The following CACNA1D variants were observed in gnomAD, a reference collection of about 807,000 sequenced individuals.
CACNA1D encodes the protein voltage-dependent L-type calcium channel subunit alpha-1D.
In CACNA1D, 55 loss-of-function variants were observed where a neutral mutation model predicts 257.1. That is an observed-to-expected ratio of 0.21 (90% CI 0.17 to 0.27). The LOEUF (loss-of-function observed/expected upper bound fraction) is 0.27. Among genes scored for constraint, CACNA1D ranks in the 10% least tolerant of loss-of-function variants. The pLI, the probability that CACNA1D is intolerant of heterozygous loss-of-function variation, is 1.00. For synonymous variants in CACNA1D, 980 were observed against 1,014.9 expected (o/e 0.97, Z 0.65); for missense variants, 1,876 against 2,784.0 (o/e 0.67, Z 7.34).
At chr3:53,684,475 T>C (rs1403360445) in intron 8 of CACNA1D, among the ~76,000 whole-genome samples, 3 of 152,016 alleles carry the variant, frequency 2.0e-5, no homozygotes, top group South Asian at 2.1e-4. Flanking sequence ...TACAAAAAAT[T>C]AGCTGAGAGT....
chr3:53,691,729 AATAT>A (rs573051088), intron 8 of CACNA1D, among the ~76,000 whole-genome samples: 1 of 47,738 alleles, frequency 2.1e-5, no homozygotes, highest in Non-Finnish European at 4.1e-5. Flanking sequence ...TTACATATAT[AATAT>A]ATATATTACA....
At chr3:53,650,968 G>A (rs900862257) in intron 4 of CACNA1D, 50 bp downstream of exon 4, 2 of 1,479,398 alleles carry the variant, frequency 1.4e-6, no homozygotes, top group Middle Eastern at 3.5e-4. Context: ...ATGGGAGGTG[G>A]AGGTTGGGGG....
rs2094984656 is a variant in CACNA1D at position 53,730,876 on chromosome 3, G to A, written c.2337-201G>A. ...AGCTCTCAGATGAGAATTTTAATAA[G>A]ATGGTCTGTGTAATGAATCCATCGC... On this transcript the variant is annotated intron_variant, in intron 16 of 47. Transcript: ENST00000350061. The A allele has an allele frequency of 8.2e-6, 5 of 608,354 alleles. No homozygotes were observed. The East Asian group carries it at 1.4e-4, about 17-fold the overall frequency. The allele number at this position is 608,354 out of a possible 1,614,324, so 37.7% of individuals were successfully genotyped here.
intron 3 of CACNA1D, among the ~76,000 whole-genome samples, chr3:53,563,188 A>G (rs1409404441): frequency 6.6e-6 from 1 of 152,100 alleles, no homozygotes; most frequent in Non-Finnish European, 1.5e-5. Flanking sequence ...GTCCATCCTT[A>G]TCCTCTGTCC....
chr3:53,529,332 T>C (rs1220382873), intron 3 of CACNA1D, among the ~76,000 whole-genome samples: 1 of 152,248 alleles, frequency 6.6e-6, no homozygotes, highest in Non-Finnish European at 1.5e-5. Flanking sequence ...TAAACCAATT[T>C]TGCATTCCCA....
At chr3:53,572,124 GAC>G (rs1392774213) in intron 3 of CACNA1D, among the ~76,000 whole-genome samples, 11 of 152,080 alleles carry the variant, frequency 7.2e-5, no homozygotes, top group South Asian at 2.1e-4. Context: ...CTCTTCCCCT[GAC>G]CTGTTGCTAT....
intron 3 of CACNA1D, among the ~76,000 whole-genome samples, chr3:53,531,601 C>G (rs3774427): frequency 0.11 from 16,168 of 152,134 alleles, 2,274 homozygotes; most frequent in African/African-American, 0.31. Flanking sequence ...TTGGCTGTTT[C>G]CTTCACTTCC....
At chr3:53,802,633 G>A (rs1343254816) in intron 43 of CACNA1D, among the ~76,000 whole-genome samples, 1 of 152,232 alleles carries the variant, frequency 6.6e-6, no homozygotes, top group East Asian at 1.9e-4. Flanking sequence ...CACTCCACAT[G>A]TATTGACCTG....
chr3:53,763,370 A>G (rs1445754002), intron 30 of CACNA1D, among the ~76,000 whole-genome samples: 4 of 152,214 alleles, frequency 2.6e-5, no homozygotes, highest in Admixed American at 6.5e-5. Context: ...AAAATTAAGA[A>G]GCGTGAGAAA....
At chr3:53,527,685 T>C (rs897915739) in intron 3 of CACNA1D, among the ~76,000 whole-genome samples, 3 of 152,216 alleles carry the variant, frequency 2.0e-5, no homozygotes, top group Non-Finnish European at 2.9e-5. Context: ...TTCCTATCCA[T>C]GCCCCTCCAT....
chr3:53,793,819 T>C lies in CACNA1D; in HGVS notation c.4924-6430T>C, dbSNP rs1208236883. ...ACTGCAGAGACACCGCTGTCGTTTC[T>C]CTTAAAGCCTTGGCAGAGAAGTGTA... On this transcript the variant is annotated intron_variant, in intron 40 of 47. Coordinates refer to ENST00000350061, the MANE Select transcript of CACNA1D (RefSeq NM_001128840.3). The surrounding 1 kb of genome is among the most constrained non-coding windows in gnomAD (Gnocchi z 4.1). 6.6e-6 allele frequency among the ~76,000 whole-genome samples: 1 copy of C among 152,224 alleles called. No homozygotes were observed. The highest frequency in any genetic ancestry group is 1.5e-5 in the Non-Finnish European group (1 of 68,046).
intron 26 of CACNA1D, among the ~76,000 whole-genome samples, chr3:53,748,606 C>A (rs1408665977): frequency 6.6e-6 from 1 of 152,184 alleles, no homozygotes; most frequent in Admixed American, 6.5e-5. Context: ...GCTCTGCCCC[C>A]AAGGAGTGTG....
chr3:53,557,520 T>C (rs571534910), intron 3 of CACNA1D, among the ~76,000 whole-genome samples: 1 of 152,280 alleles, frequency 6.6e-6, no homozygotes, highest in Admixed American at 6.5e-5. Flanking sequence ...AAGAAAGATC[T>C]GTGTTCTACT....
chr3:53,666,893 A>C (rs2094270556), intron 7 of CACNA1D, among the ~76,000 whole-genome samples: 1 of 152,120 alleles, frequency 6.6e-6, no homozygotes, highest in African/African-American at 2.4e-5. Flanking sequence ...CCAGGTAAGG[A>C]GGCTCCTGGA....
intron 31 of CACNA1D, among the ~76,000 whole-genome samples, 190 bp from the exon 32 acceptor site, chr3:53,770,234 C>G (rs571593078): frequency 6.6e-6 from 1 of 152,306 alleles, no homozygotes; most frequent in South Asian, 2.1e-4. Flanking sequence ...GCTGTGTGGA[C>G]GCAGTTTTCC....
At chr3:53,669,867 G>C (rs2094305831) in intron 7 of CACNA1D, among the ~76,000 whole-genome samples, 1 of 151,858 alleles carries the variant, frequency 6.6e-6, no homozygotes, top group South Asian at 2.1e-4. Context: ...TATTTAGCCT[G>C]GTTGTGTGAC....
intron 11 of CACNA1D, among the ~76,000 whole-genome samples, chr3:53,720,862 A>G (rs2094876076): frequency 6.6e-6 from 1 of 152,238 alleles, no homozygotes; most frequent in South Asian, 2.1e-4. Context: ...TTAAACATAT[A>G]TTTACCACGT....
intron 3 of CACNA1D, among the ~76,000 whole-genome samples, chr3:53,562,154 G>A (rs1172586797): frequency 2.0e-5 from 3 of 152,180 alleles, no homozygotes; most frequent in Non-Finnish European, 4.4e-5. Context: ...ACCCTCTCTT[G>A]AGAGTATTTA....
chr3:53,560,988 G>C (rs2092728133), intron 3 of CACNA1D, among the ~76,000 whole-genome samples: 1 of 152,194 alleles, frequency 6.6e-6, no homozygotes, highest in African/African-American at 2.4e-5. Context: ...TAGCTTCTCA[G>C]TCTTCTTTTG....
Sources: gnomAD v4.1 joint callset for allele counts (sites outside exome capture counted in the v4.1 genomes callset) on GRCh38, gnomAD v4.1.1 for gene constraint, Gnocchi (gnomAD v3.1) non-coding constraint, MANE v1.5 for transcripts, NCBI Gene and HGNC (gene_info 2026-07-23, HGNC 2026-07-21) for gene names.